The following TOX2 variants were observed in gnomAD, a reference collection of about 807,000 sequenced individuals.
TOX2 encodes the protein granulosa cell HMG box 1.
TOX2 carries 15 observed loss-of-function variants against 47.4 expected under a neutral mutation model. The ratio of observed to expected loss-of-function variants is 0.32; its 90% CI spans 0.21 to 0.49. TOX2 has a LOEUF of 0.49. Ranked by LOEUF, TOX2 falls within the 20% of genes least tolerant of loss-of-function variation. TOX2 has a pLI of 0.99. For missense variants in TOX2, 622 were observed against 673.1 expected (o/e 0.92, Z 0.84); for synonymous variants, 290 against 296.6 (o/e 0.98, Z 0.23).
rs750198942 is a variant in TOX2, at chr20:43,946,037, A to AG, written c.100-27328dup. ...TGCATTGCAGGTGTGTTTCCGCAGA[A>AG]GGTAAGCAGCGGGTGCCCACCGCCC... On this transcript the variant is annotated intron_variant, in intron 1 of 8. Coordinates refer to ENST00000341197, the MANE Select transcript of TOX2 (RefSeq NM_001098797.2). 16 of 1,613,710 alleles carry AG rather than the reference A, an allele frequency of 9.9e-6. No homozygotes were observed. In the Admixed American group the frequency reaches 1.8e-4, roughly 18 times the overall value.
At position 43,933,199 on chromosome 20, in the gene TOX2, C is replaced by G. The variant is rs542087403; in HGVS notation, c.99+18209C>G. Among the ~76,000 whole-genome samples the G allele has an allele frequency of 3.3e-5, 5 of 152,330 alleles. No individual in the cohort carries two copies. The South Asian group carries it at 1.0e-3, about 32-fold the overall frequency. ...TCCGTTACCTAGCTCATTTCTGTAG[C>G]TGCAATACCATCAGGATTTCAACAT... On this transcript the variant is annotated intron_variant, in intron 1 of 8. Coordinates refer to ENST00000341197, the MANE Select transcript of TOX2 (RefSeq NM_001098797.2).
chr20:43,931,425 A>G (rs2069251305), intron 1 of TOX2, among the ~76,000 whole-genome samples: 2 of 152,272 alleles, frequency 1.3e-5, no homozygotes, highest in South Asian at 4.1e-4. Flanking sequence ...ATGTGCCACC[A>G]CGCCTCGCTA....
chr20:43,943,538 T>C (rs2069427890), intron 1 of TOX2, among the ~76,000 whole-genome samples: 1 of 152,192 alleles, frequency 6.6e-6, no homozygotes, highest in African/African-American at 2.4e-5. Context: ...TACTCACCTC[T>C]GTGTGTAAGC....
intron 2 of TOX2, among the ~76,000 whole-genome samples, chr20:43,981,460 T>C (rs961047510): frequency 2.6e-5 from 4 of 152,216 alleles, no homozygotes; most frequent in Non-Finnish European, 5.9e-5. Flanking sequence ...TAAATAACCT[T>C]GGAAGGATAC....
At chr20:44,028,517 C>T (rs1033931181) in intron 3 of TOX2, among the ~76,000 whole-genome samples, 1 of 152,258 alleles carries the variant, frequency 6.6e-6, no homozygotes, top group Non-Finnish European at 1.5e-5. Context: ...CTCACGCACT[C>T]ATTCAGCCCT....
At chr20:44,018,007 G>A (rs2070909507) in intron 3 of TOX2, among the ~76,000 whole-genome samples, 1 of 152,202 alleles carries the variant, frequency 6.6e-6, no homozygotes, top group South Asian at 2.1e-4. Context: ...ATCTCAACAT[G>A]AAGTGTGAGG....
intron 1 of TOX2, among the ~76,000 whole-genome samples, chr20:43,928,350 C>G (rs919826229): frequency 1.3e-5 from 2 of 152,208 alleles, no homozygotes; most frequent in Non-Finnish European, 2.9e-5. Flanking sequence ...CTACAGATGC[C>G]TAAGAGCCAG....
At chr20:43,962,268 C>A (rs183693390) in intron 1 of TOX2, among the ~76,000 whole-genome samples, 13 of 152,212 alleles carry the variant, frequency 8.5e-5, no homozygotes, top group African/African-American at 3.1e-4. Flanking sequence ...CCATCAGGCC[C>A]GGCCCTCTGG....
At chr20:43,949,915 G>A (rs1352384133) in intron 1 of TOX2, among the ~76,000 whole-genome samples, 1 of 152,060 alleles carries the variant, frequency 6.6e-6, no homozygotes, top group Non-Finnish European at 1.5e-5. Flanking sequence ...GTTAATTTAG[G>A]CAGTAGATGC....
At chr20:43,980,307 G>A (rs2070148789) in intron 2 of TOX2, among the ~76,000 whole-genome samples, 1 of 152,122 alleles carries the variant, frequency 6.6e-6, no homozygotes, top group South Asian at 2.1e-4. Flanking sequence ...ACTTATCTGT[G>A]GGGTCTAAAA....
At chr20:44,018,659 C>T (rs1197632203) in intron 3 of TOX2, among the ~76,000 whole-genome samples, 1 of 152,192 alleles carries the variant, frequency 6.6e-6, no homozygotes, top group Non-Finnish European at 1.5e-5. Flanking sequence ...CATCTTGTGG[C>T]TTTGTCCATT....
At chr20:43,928,694 T>C (rs1046225845) in intron 1 of TOX2, among the ~76,000 whole-genome samples, 6 of 152,180 alleles carry the variant, frequency 3.9e-5, no homozygotes, top group African/African-American at 1.4e-4. Flanking sequence ...GCCTTCCACA[T>C]GCCAGCTGGG....
intron 2 of TOX2, among the ~76,000 whole-genome samples, chr20:44,003,829 G>T (rs1047328782): frequency 4.6e-5 from 7 of 152,152 alleles, no homozygotes; most frequent in African/African-American, 1.7e-4. Flanking sequence ...TAGAGGGGTG[G>T]TGGGGCCAGG....
chr20:43,986,833 A>G (rs1342227096), intron 2 of TOX2, among the ~76,000 whole-genome samples: 2 of 152,092 alleles, frequency 1.3e-5, no homozygotes, highest in African/African-American at 4.8e-5. Flanking sequence ...TGGGAGTCTG[A>G]GGTGGGAGGA....
intron 3 of TOX2, among the ~76,000 whole-genome samples, chr20:44,016,778 TA>T (rs1466788504): frequency 2.0e-5 from 3 of 152,186 alleles, no homozygotes; most frequent in Non-Finnish European, 4.4e-5. Context: ...GTTCAGAAGT[TA>T]TCTTCTCACA....
At chr20:44,057,633 A>G (rs1379379942) in intron 5 of TOX2, among the ~76,000 whole-genome samples, 1 of 151,472 alleles carries the variant, frequency 6.6e-6, no homozygotes, top group Non-Finnish European at 1.5e-5. Flanking sequence ...ATACAATGTA[A>G]CCTTGACACT....
intron 5 of TOX2, among the ~76,000 whole-genome samples, chr20:44,060,118 A>G (rs565018404): frequency 6.6e-6 from 1 of 152,342 alleles, no homozygotes; most frequent in South Asian, 2.1e-4. Context: ...CTTATATCAG[A>G]CCAAACAAAC....
chr20:43,932,873 C>T (rs2069274469), intron 1 of TOX2, among the ~76,000 whole-genome samples: 1 of 152,072 alleles, frequency 6.6e-6, no homozygotes, highest in Admixed American at 6.6e-5. Context: ...CCTCCAGGGG[C>T]CTGGACAAAT....
chr20:43,969,745 A>G (rs777638085), intron 1 of TOX2, among the ~76,000 whole-genome samples: 18 of 152,230 alleles, frequency 1.2e-4, no homozygotes, highest in Non-Finnish European at 2.2e-4. Flanking sequence ...CCCAAGGGTA[A>G]CTGAACTGAG....
Sources: allele counts gnomAD v4.1 joint callset (sites outside exome capture counted in the v4.1 genomes callset), GRCh38; gene constraint gnomAD v4.1.1; transcripts MANE v1.5; gene names NCBI Gene and HGNC (gene_info 2026-07-23, HGNC 2026-07-21).